The following GLRA3 variants were observed in gnomAD, a reference collection of about 807,000 sequenced individuals.
GLRA3 encodes glycine receptor subunit alpha-3.
GLRA3 carries 44 observed loss-of-function variants against 60.4 expected under a neutral mutation model. That is an observed-to-expected ratio of 0.73 (90% CI 0.57 to 0.94). The LOEUF (loss-of-function observed/expected upper bound fraction) is 0.94. GLRA3 is among the 40% of genes least tolerant of loss of function. The pLI, the probability that GLRA3 is intolerant of heterozygous loss-of-function variation, is 0.00. For missense variants in GLRA3, 508 were observed against 564.6 expected (o/e 0.90, Z 1.02); for synonymous variants, 223 against 192.9 (o/e 1.16, Z -1.29).
At chr4:174,746,263 A>G (rs1184534010) in intron 3 of GLRA3, among the ~76,000 whole-genome samples, 2 of 152,164 alleles carry the variant, frequency 1.3e-5, no homozygotes, top group Admixed American at 6.5e-5. Flanking sequence ...TAACAGGTGA[A>G]TGAGTAAAGA....
intron 4 of GLRA3, among the ~76,000 whole-genome samples, chr4:174,726,524 T>C (rs1420046593): frequency 6.6e-6 from 1 of 152,198 alleles, no homozygotes; most frequent in African/African-American, 2.4e-5. Flanking sequence ...TTAGATTTGC[T>C]AGAGAAATTA....
intron 9 of GLRA3, among the ~76,000 whole-genome samples, chr4:174,654,020 A>G (rs1056376518): frequency 1.3e-5 from 2 of 152,076 alleles, no homozygotes; most frequent in South Asian, 4.1e-4. Flanking sequence ...ATTCAAACAG[A>G]ATTTTGTTTG....
At chr4:174,823,060 T>A (rs887059740) in intron 1 of GLRA3, among the ~76,000 whole-genome samples, 6 of 152,198 alleles carry the variant, frequency 3.9e-5, no homozygotes, top group African/African-American at 1.4e-4. Context: ...CATTTACTGT[T>A]ACTGAACAGC....
chr4:174,693,999 C>A (rs1734957598), intron 5 of GLRA3, among the ~76,000 whole-genome samples: 1 of 152,130 alleles, frequency 6.6e-6, no homozygotes, highest in Non-Finnish European at 1.5e-5. Context: ...AAGGGCATTA[C>A]ATAATGGTAA....
intron 1 of GLRA3, among the ~76,000 whole-genome samples, chr4:174,805,045 C>A (rs1739979691): frequency 6.6e-6 from 1 of 152,156 alleles, no homozygotes; most frequent in South Asian, 2.1e-4. Context: ...CAGCTGTCGG[C>A]ATTCCCCTGT....
At chr4:174,694,337 C>T (rs1489419259) in intron 5 of GLRA3, among the ~76,000 whole-genome samples, 1 of 151,986 alleles carries the variant, frequency 6.6e-6, no homozygotes, top group Non-Finnish European at 1.5e-5. Flanking sequence ...TGTAAGTGGA[C>T]AAAAAACAAT....
At chr4:174,824,551 T>C (rs1358863660) in intron 1 of GLRA3, among the ~76,000 whole-genome samples, 1 of 152,166 alleles carries the variant, frequency 6.6e-6, no homozygotes, top group African/African-American at 2.4e-5. Flanking sequence ...TGTAACTAGC[T>C]CAATAGTTGT....
chr4:174,799,860 A>T (rs563276052), intron 1 of GLRA3, among the ~76,000 whole-genome samples: 3 of 152,306 alleles, frequency 2.0e-5, no homozygotes, highest in African/African-American at 7.2e-5. Flanking sequence ...GCAGGAAAAA[A>T]AGTAAAAGAG....
Position 174,642,327 on chromosome 4 carries a change from T to C in GLRA3, c.*1459A>G. 2 of 931,812 alleles carry C rather than the reference T, an allele frequency of 2.1e-6. No individual in the cohort carries two copies. Among genetic ancestry groups the C allele is most frequent in the Non-Finnish European group, 2.5e-6 (2 of 810,716 alleles). The allele number at this position is 931,812 out of a possible 1,614,324, so 57.7% of individuals were successfully genotyped here. A position where few individuals can be genotyped will look rare whatever the true frequency, so the allele number is the denominator to read the frequency against. ...TTCTATTGTACATCTGAGTTCATTG[T>C]TTTCTTAATCTTTAAAGTTTTCTCT... On this transcript the variant is annotated 3_prime_UTR_variant, in exon 10 of 10. Coordinates refer to ENST00000274093, the MANE Select transcript of GLRA3 (RefSeq NM_006529.4).
At position 174,639,964 on chromosome 4, in the gene GLRA3, G is replaced by T. The variant is rs1219783871; in HGVS notation, c.*3822C>A. The T allele has an allele frequency of 6.6e-6, 1 of 151,980 alleles. No individual in the cohort carries two copies. The highest frequency in any genetic ancestry group is 1.5e-5 in the Non-Finnish European group (1 of 67,954). 9.4% of individuals were successfully genotyped at this position (151,980 alleles called of 1,614,324 possible). On this transcript the variant is annotated 3_prime_UTR_variant, in exon 10 of 10. Coordinates refer to ENST00000274093, the MANE Select transcript of GLRA3 (RefSeq NM_006529.4). ...ATTATGGGTACTTTATTTGCAAGAG[G>T]GAATCTGTGTGAACATTTACACTAT...
intron 5 of GLRA3, among the ~76,000 whole-genome samples, chr4:174,701,308 G>A (rs1735309365): frequency 6.6e-6 from 1 of 152,166 alleles, no homozygotes; most frequent in South Asian, 2.1e-4. Context: ...CTGGATGACA[G>A]CCCACCTGTT....
intron 7 of GLRA3, among the ~76,000 whole-genome samples, chr4:174,668,316 T>C (rs765910687): frequency 1.3e-5 from 2 of 152,176 alleles, no homozygotes; most frequent in Non-Finnish European, 2.9e-5. Context: ...ATATCTCAGG[T>C]AATCCTTCAT....
chr4:174,754,626 A>G (rs1318779895), intron 3 of GLRA3, among the ~76,000 whole-genome samples: 1 of 152,136 alleles, frequency 6.6e-6, no homozygotes, highest in Non-Finnish European at 1.5e-5. Context: ...GAATAAATGT[A>G]CCTTTGTAAG....
chr4:174,749,248 G>A (rs1737367656), intron 3 of GLRA3, among the ~76,000 whole-genome samples: 1 of 152,062 alleles, frequency 6.6e-6, no homozygotes, highest in African/African-American at 2.4e-5. Context: ...CAAATCTGTG[G>A]TATAATCCTC....
chr4:174,695,559 C>A (rs1735020521), intron 5 of GLRA3, among the ~76,000 whole-genome samples: 1 of 152,104 alleles, frequency 6.6e-6, no homozygotes, highest in African/African-American at 2.4e-5. Flanking sequence ...TAAAAACTCT[C>A]AATAAACTAG....
intron 1 of GLRA3, among the ~76,000 whole-genome samples, chr4:174,811,640 G>T (rs1302783455): frequency 6.6e-6 from 1 of 152,028 alleles, no homozygotes; most frequent in East Asian, 1.9e-4. Flanking sequence ...CTCTTTACTA[G>T]CCTGGAAACT....
rs925948938 is a variant in GLRA3, at chr4:174,640,179, A to G, written c.*3607T>C. 6.6e-6 allele frequency: 1 copy of G among 152,134 alleles called. No individual in the cohort carries two copies. The highest frequency in any genetic ancestry group is 2.4e-5 in the African/African-American group (1 of 41,452). 9.4% of individuals were successfully genotyped at this position (152,134 alleles called of 1,614,324 possible). The stretch of plus-strand genomic sequence containing the variant: ...TGGAGTAGAAGATATCATGACCTCA[A>G]GGATTGTTAATGATATCTGTCTAAG... On this transcript the variant is annotated 3_prime_UTR_variant, in exon 10 of 10. Coordinates refer to ENST00000274093, the MANE Select transcript of GLRA3 (RefSeq NM_006529.4).
chr4:174,724,536 T>C (rs1736248832), intron 4 of GLRA3, among the ~76,000 whole-genome samples: 1 of 152,168 alleles, frequency 6.6e-6, no homozygotes, highest in African/African-American at 2.4e-5. Context: ...TAATTTTTGC[T>C]TGAACTGTCA....
At chr4:174,698,536 T>A (rs1735158347) in intron 5 of GLRA3, among the ~76,000 whole-genome samples, 1 of 152,180 alleles carries the variant, frequency 6.6e-6, no homozygotes, top group African/African-American at 2.4e-5. Context: ...ACTATTTATT[T>A]GTAAGAACCA....
Sources: gnomAD v4.1 joint callset for allele counts (sites outside exome capture counted in the v4.1 genomes callset) on GRCh38, gnomAD v4.1.1 for gene constraint, MANE v1.5 for transcripts, NCBI Gene and HGNC (gene_info 2026-07-23, HGNC 2026-07-21) for gene names.